Variants in ZFYVE9 observed in about 807,000 individuals in gnomAD.
ZFYVE9 encodes zinc finger FYVE-type containing 9, also known as zinc finger FYVE domain-containing protein 9.
ZFYVE9 carries 43 observed loss-of-function variants against 126.7 expected under a neutral mutation model. The ratio of observed to expected loss-of-function variants is 0.34; its 90% CI spans 0.27 to 0.44. The LOEUF (loss-of-function observed/expected upper bound fraction) is 0.44. Ranked by LOEUF, ZFYVE9 falls within the 20% of genes least tolerant of loss-of-function variation. The pLI is 1.00. For missense variants in ZFYVE9, 1,476 were observed against 1,697.0 expected (o/e 0.87, Z 2.29); for synonymous variants, 521 against 597.4 (o/e 0.87, Z 1.87).
chr1:52,264,076 A>G (rs1288304760), intron 5 of ZFYVE9: 9 of 330,620 alleles, frequency 2.7e-5, no homozygotes, highest in Middle Eastern at 8.3e-4. Flanking sequence ...TAATGAATAA[A>G]TGCTAAAGCC....
intron 13 of ZFYVE9, among the ~76,000 whole-genome samples, chr1:52,323,895 C>A (rs373529780): frequency 4.0e-3 from 503 of 125,760 alleles, no homozygotes; most frequent in East Asian, 4.8e-3. Context: ...CTACTAAATA[C>A]AAAAAAAAAA....
chr1:52,220,575 T>C (rs1645115103), intron 2 of ZFYVE9, among the ~76,000 whole-genome samples: 1 of 152,208 alleles, frequency 6.6e-6, no homozygotes, highest in Non-Finnish European at 1.5e-5. Flanking sequence ...TTTCTGCACA[T>C]GATGCAACCA....
At chr1:52,165,767 A>ATAGT (rs57652764) in intron 1 of ZFYVE9, among the ~76,000 whole-genome samples, 6,983 of 152,318 alleles carry the variant, frequency 0.046, 412 homozygotes, top group African/African-American at 0.14. Context: ...GTTCAATTCA[A>ATAGT]TAGTGATCAG....
chr1:52,310,719 G>C (rs1350726024), intron 13 of ZFYVE9, among the ~76,000 whole-genome samples: 1 of 152,188 alleles, frequency 6.6e-6, no homozygotes, highest in Admixed American at 6.5e-5. Flanking sequence ...ATGAGTTAAA[G>C]TGATTGTATG....
chr1:52,282,937 G>A (rs1335702956), intron 10 of ZFYVE9, among the ~76,000 whole-genome samples: 3 of 152,192 alleles, frequency 2.0e-5, no homozygotes, highest in East Asian at 3.8e-4. Flanking sequence ...TTAATGTGAT[G>A]TAGATTATGC....
intron 2 of ZFYVE9, among the ~76,000 whole-genome samples, chr1:52,222,780 T>C (rs1191787248): frequency 6.6e-6 from 1 of 152,240 alleles, no homozygotes; most frequent in Admixed American, 6.5e-5. Flanking sequence ...TGGATTTGGC[T>C]TTCTTCCGAA....
chr1:52,332,649 T>A, intron 13 of ZFYVE9, 119 bp from the exon 14 acceptor site: 1 of 1,227,810 alleles, frequency 8.1e-7, no homozygotes, highest in Admixed American at 3.0e-5. Context: ...TTGGTGGCCC[T>A]TTTTGTCACT....
At chr1:52,193,804 G>A (rs188850779) in intron 1 of ZFYVE9, among the ~76,000 whole-genome samples, 122 of 150,638 alleles carry the variant, frequency 8.1e-4, no homozygotes, top group African/African-American at 2.7e-3. Context: ...ACACGCACGC[G>A]CGCACACACA....
intron 13 of ZFYVE9, among the ~76,000 whole-genome samples, chr1:52,318,601 AT>A (rs1207905037): frequency 1.3e-5 from 2 of 152,104 alleles, no homozygotes; most frequent in Non-Finnish European, 2.9e-5. Context: ...GGGAAAAAAA[AT>A]AAGAGTCATA....
chr1:52,296,072 G>A, intron 12 of ZFYVE9, 95 bp downstream of exon 12: 1 of 1,040,380 alleles, frequency 9.6e-7, no homozygotes, highest in Non-Finnish European at 1.4e-6. Context: ...CTGTGCCCAA[G>A]CTGCTTAAGG....
At position 52,344,813 on chromosome 1, in the gene ZFYVE9, C is replaced by T; in HGVS notation, c.3985C>T (p.Pro1329Ser). 2 of 1,614,154 alleles carry T rather than the reference C, an allele frequency of 1.2e-6. No individual in the cohort carries two copies. Among genetic ancestry groups the T allele is most frequent in the Middle Eastern group, 3.3e-4 (2 of 6,062 alleles). ...NDDQHNCLSDPADHSRLTEHV... is the reference protein window; with the variant it reads ...NDDQHNCLSDSADHSRLTEHV... ...TGACCAGCACAATTGCCTCAGTGAT[C>T]CTGCAGATCACAGTAGATTGACTGA... is the stretch of plus-strand genomic sequence containing the variant. Residue 1329 changes from proline to serine, a missense_variant, in exon 18 of 19, where the codon CCT (proline) becomes TCT (serine). Physicochemically the swap from Pro to Ser is moderately conservative, Grantham distance 74 (BLOSUM62 -1). Transcript: ENST00000287727.
chr1:52,326,837 C>A (rs763323712), intron 13 of ZFYVE9, among the ~76,000 whole-genome samples: 1 of 151,974 alleles, frequency 6.6e-6, no homozygotes, highest in Non-Finnish European at 1.5e-5. Flanking sequence ...CCATTGCACT[C>A]CAGCCTGGGC....
Position 52,303,890 on chromosome 1 carries a change from A to C in ZFYVE9, c.3403A>C (p.Thr1135Pro). The C allele has an allele frequency of 6.2e-7, 1 of 1,600,684 alleles. No homozygotes were observed. The highest frequency in any genetic ancestry group is 8.5e-7 in the Non-Finnish European group (1 of 1,173,708). Reference protein sequence around the residue: ...GLVVDMEVRKTSIKIPSNRYN... With the variant: ...GLVVDMEVRKPSIKIPSNRYN... ...GGTGGTTGATATGGAAGTTCGGAAA[A>C]CTAGCATCAAAATTCCCAGCAACAG... The change falls in exon 13 of 19, where the codon ACT becomes CCT. Residue 1135 changes from threonine to proline, a missense_variant. This residue lies in a region of ZFYVE9 where 669 missense variants were observed against 902.4 expected (regional missense o/e 0.74). Coordinates refer to ENST00000287727, the MANE Select transcript of ZFYVE9 (RefSeq NM_004799.4).
chr1:52,282,366 T>C (rs991249429), intron 10 of ZFYVE9, among the ~76,000 whole-genome samples: 2 of 152,200 alleles, frequency 1.3e-5, no homozygotes, highest in African/African-American at 4.8e-5. Flanking sequence ...ATTATAGTTA[T>C]TTATTATGAC....
Position 52,288,014 on chromosome 1 carries a change from A to AG in ZFYVE9, c.3026-5438dup, listed in dbSNP as rs375198723. ...GAAAGTTATATGGAACTATTTATGA[A>AG]GAAGTGATTTAAGACAAAATACCTA... On this transcript the variant is annotated intron_variant, in intron 10 of 18. Transcript: ENST00000287727. Among the ~76,000 whole-genome samples the AG allele has an allele frequency of 4.7e-4, 72 of 152,364 alleles. No individual in the cohort carries two copies. In the East Asian group the frequency reaches 0.013, roughly 28 times the overall value.
At chr1:52,186,444 A>G (rs534553123) in intron 1 of ZFYVE9, among the ~76,000 whole-genome samples, 1 of 152,272 alleles carries the variant, frequency 6.6e-6, no homozygotes, top group South Asian at 2.1e-4. Flanking sequence ...ACTCCTATTC[A>G]GCACAGTATT....
chr1:52,219,464 TAGGAGTATTAGATA>T (rs1306602282), intron 2 of ZFYVE9, among the ~76,000 whole-genome samples: 2 of 151,844 alleles, frequency 1.3e-5, no homozygotes, highest in African/African-American at 2.4e-5. Flanking sequence ...TCTCAGTGGT[TAGGAGTATTAGATA>T]AGGAGTATTA....
rs1213763963 is a variant in ZFYVE9, at chr1:52,296,030, G to T, written c.3333+53G>T. On this transcript the variant is annotated intron_variant, in intron 12 of 18. Transcript: ENST00000287727. ...CCTTACTGGAGTTTATATGGGAGAA[G>T]GAAGAAAGCAATTTTATTATTTTCT... 3 of 1,492,658 alleles carry T rather than the reference G, an allele frequency of 2.0e-6. No homozygotes were observed. In the East Asian group the frequency reaches 6.8e-5, roughly 34 times the overall value. 92.5% of individuals were successfully genotyped at this position (1,492,658 alleles called of 1,614,324 possible).
chr1:52,234,197 T>C (rs879789642), intron 3 of ZFYVE9, among the ~76,000 whole-genome samples: 1 of 152,234 alleles, frequency 6.6e-6, no homozygotes, highest in Non-Finnish European at 1.5e-5. Context: ...GTGTTCTCTA[T>C]TTCTAACAGG....
Sources: gnomAD v4.1 joint callset for allele counts (sites outside exome capture counted in the v4.1 genomes callset) on GRCh38, gnomAD v4.1.1 for gene constraint, gnomAD v4.1.1 regional missense constraint, MANE v1.5 for transcripts, NCBI Gene and HGNC (gene_info 2026-07-23, HGNC 2026-07-21) for gene names.